Variants in OR9Q1 observed in about 807,000 individuals in gnomAD.
The protein encoded by OR9Q1 is olfactory receptor family 9 subfamily Q member 1.
For missense variants in OR9Q1, 374 were observed against 378.8 expected (o/e 0.99, Z 0.11); for synonymous variants, 153 against 148.6 (o/e 1.03, Z -0.22).
At chr11:58,138,540 G>T (rs900880661) in intron 2 of OR9Q1, among the ~76,000 whole-genome samples, 1 of 152,156 alleles carries the variant, frequency 6.6e-6, no homozygotes, top group African/African-American at 2.4e-5. Context: ...ACATCTGAAT[G>T]TTACTAGGCA....
In OR9Q1 at chr11:58,110,004, A is replaced by T. The variant is rs117511596; in HGVS notation, c.-15+54057A>T. Among the ~76,000 whole-genome samples the T allele has an allele frequency of 2.8e-3, 422 of 152,286 alleles. 1 individual carries two copies. Among genetic ancestry groups the T allele is most frequent in the African/African-American group, 9.4e-3 (390 of 41,572 alleles). On this transcript the variant is annotated intron_variant, in intron 2 of 2. Coordinates refer to ENST00000335397, the MANE Select transcript of OR9Q1 (RefSeq NM_001005212.4). ...GCTAGAATAATCTCCCCAAATTGTT[A>T]TCTAGCTCAGGTGTGCATGAGGGCT...
At chr11:58,034,843 T>C (rs185952636) in intron 1 of OR9Q1, among the ~76,000 whole-genome samples, 12 of 150,892 alleles carry the variant, frequency 8.0e-5, no homozygotes, top group African/African-American at 2.9e-4. Flanking sequence ...CCTTCATTTT[T>C]TTTTTTTAGG....
chr11:58,170,669 G>C (rs1282917767), intron 2 of OR9Q1, among the ~76,000 whole-genome samples: 1 of 152,086 alleles, frequency 6.6e-6, no homozygotes, highest in Non-Finnish European at 1.5e-5. Flanking sequence ...TCTTGGTAAT[G>C]AATAAGTCTC....
rs116716122 is a variant in OR9Q1, at chr11:58,031,198, G to C, written c.-93+7094G>C. 4.3e-4 allele frequency: 695 copies of C among 1,614,152 alleles called. 2 individuals are homozygous for C. In the African/African-American group the frequency reaches 8.6e-3, roughly 20 times the overall value. On this transcript the variant is annotated intron_variant, in intron 1 of 2. Transcript: ENST00000335397. ...GGTACACTTCTGTTACAGTGCCCAA[G>C]ATGCTGGCTGGTTTTATTGGGGTGG...
chr11:58,031,814 A>T, intron 1 of OR9Q1: 1 of 1,614,164 alleles, frequency 6.2e-7, no homozygotes, highest in South Asian at 1.1e-5. Flanking sequence ...TGTCACGCCC[A>T]TGCTCAATCC....
intron 2 of OR9Q1, among the ~76,000 whole-genome samples, chr11:58,114,619 TC>T: frequency 6.6e-6 from 1 of 152,188 alleles, no homozygotes; most frequent in Non-Finnish European, 1.5e-5. Context: ...TGATATACTT[TC>T]CCATGCTTCT....
chr11:58,150,548 G>A (rs766045215), intron 2 of OR9Q1, among the ~76,000 whole-genome samples: 13 of 152,106 alleles, frequency 8.5e-5, no homozygotes, highest in East Asian at 5.8e-4. Flanking sequence ...CATCAATGAC[G>A]GTTCCATGAG....
At chr11:58,148,138 G>A (rs1331851628) in intron 2 of OR9Q1, among the ~76,000 whole-genome samples, 1 of 152,102 alleles carries the variant, frequency 6.6e-6, no homozygotes, top group Non-Finnish European at 1.5e-5. Flanking sequence ...ATCACTTAGA[G>A]CGACACCAAA....
chr11:58,154,744 A>G (rs558472656), intron 2 of OR9Q1, among the ~76,000 whole-genome samples: 1 of 152,342 alleles, frequency 6.6e-6, no homozygotes, highest in East Asian at 1.9e-4. Flanking sequence ...ATTATATATC[A>G]ATAGGAAAAT....
chr11:58,121,846 T>A (rs1854035802), intron 2 of OR9Q1, among the ~76,000 whole-genome samples: 1 of 152,208 alleles, frequency 6.6e-6, no homozygotes, highest in African/African-American at 2.4e-5. Context: ...ATACATTTTA[T>A]ATCCATAAAT....
chr11:58,152,717 G>C (rs969173661), intron 2 of OR9Q1, among the ~76,000 whole-genome samples: 1 of 152,096 alleles, frequency 6.6e-6, no homozygotes, highest in Non-Finnish European at 1.5e-5. Context: ...GATGTAGTTA[G>C]ATTTATTCAT....
chr11:58,079,413 T>A (rs1018429671), intron 2 of OR9Q1, among the ~76,000 whole-genome samples: 1 of 152,164 alleles, frequency 6.6e-6, no homozygotes, highest in African/African-American at 2.4e-5. Context: ...TATATACTTT[T>A]TAGAGTATTC....
intron 1 of OR9Q1, among the ~76,000 whole-genome samples, chr11:58,048,755 A>G (rs1853247551): frequency 1.4e-5 from 2 of 141,150 alleles, no homozygotes; most frequent in South Asian, 4.8e-4. Flanking sequence ...AAAAAATGAT[A>G]AAGGGGATAT....
chr11:58,054,140 A>G (rs1853304040), intron 1 of OR9Q1, among the ~76,000 whole-genome samples: 1 of 152,214 alleles, frequency 6.6e-6, no homozygotes, highest in Non-Finnish European at 1.5e-5. Flanking sequence ...ATACCTGAAT[A>G]AAGCTGAAAA....
chr11:58,046,391 GAGAT>G, intron 1 of OR9Q1, among the ~76,000 whole-genome samples: 1 of 152,292 alleles, frequency 6.6e-6, no homozygotes, highest in East Asian at 1.9e-4. Flanking sequence ...ACGGAGAAAA[GAGAT>G]AGAACGTATT....
At chr11:58,104,882 A>G (rs550749529) in intron 2 of OR9Q1, among the ~76,000 whole-genome samples, 6 of 152,300 alleles carry the variant, frequency 3.9e-5, no homozygotes, top group Non-Finnish European at 5.9e-5. Flanking sequence ...CCCCCTGTCA[A>G]TTTGCCTGAG....
At chr11:58,127,225 C>T (rs1189794754) in intron 2 of OR9Q1, among the ~76,000 whole-genome samples, 1 of 152,132 alleles carries the variant, frequency 6.6e-6, no homozygotes, top group Admixed American at 6.5e-5. Flanking sequence ...GCTGGGATTA[C>T]AGGCATGAGC....
chr11:58,044,635 C>T (rs763726711), intron 1 of OR9Q1: 5 of 152,250 alleles, frequency 3.3e-5, no homozygotes, highest in African/African-American at 1.2e-4. Flanking sequence ...TTTCTACTCT[C>T]TTTCATTTTC....
intron 2 of OR9Q1, among the ~76,000 whole-genome samples, chr11:58,135,461 T>G (rs1038597553): frequency 1.3e-5 from 2 of 152,188 alleles, no homozygotes; most frequent in African/African-American, 4.8e-5. Context: ...ACACATTGAA[T>G]AGCAGCCAAG....
Sources: allele counts gnomAD v4.1 joint callset (sites outside exome capture counted in the v4.1 genomes callset), GRCh38; gene constraint gnomAD v4.1.1; transcripts MANE v1.5; gene names NCBI Gene and HGNC (gene_info 2026-07-23, HGNC 2026-07-21).